HPSE2: variants seen among roughly 807,000 people sequenced by gnomAD.
HPSE2 encodes inactive heparanase-2.
Under a neutral mutation model 60.5 loss-of-function variants are expected in HPSE2, and 38 were observed. That is an observed-to-expected ratio of 0.63 (90% CI 0.48 to 0.82). HPSE2 has a LOEUF of 0.82. HPSE2 is among the 40% of genes least tolerant of loss of function. HPSE2 has a pLI of 0.00. For synonymous variants in HPSE2, 295 were observed against 293.2 expected (o/e 1.01, Z -0.06); for missense variants, 713 against 740.4 (o/e 0.96, Z 0.43).
chr10:98,960,131 G>A (rs1273582418), intron 3 of HPSE2, among the ~76,000 whole-genome samples: 2 of 152,112 alleles, frequency 1.3e-5, no homozygotes, highest in Admixed American at 1.3e-4. Flanking sequence ...GTTAAGGGAT[G>A]CCATGAAATA....
At position 99,114,314 on chromosome 10, in the gene HPSE2, CA is replaced by C. The variant is rs1007967550; in HGVS notation, c.610+29923del. ...AGCTGTCTGCATTTAAGTCACCGTC[CA>C]AAAAAAATTCCTTTTTATTCAATGA... On this transcript the variant is annotated intron_variant, in intron 3 of 11. Transcript: ENST00000370552. Among the ~76,000 whole-genome samples, 10 of 151,808 alleles carry C rather than the reference CA, an allele frequency of 6.6e-5. No homozygotes were observed. In the East Asian group the frequency reaches 1.9e-3, roughly 29 times the overall value.
chr10:98,999,155 A>ACG (rs1218713882), intron 3 of HPSE2, among the ~76,000 whole-genome samples: 1 of 115,010 alleles, frequency 8.7e-6, no homozygotes, highest in African/African-American at 4.3e-5. Context: ...GGTATAGACT[A>ACG]CGTGTGTGTG....
At chr10:98,909,025 T>C (rs1258773378) in intron 3 of HPSE2, among the ~76,000 whole-genome samples, 2 of 152,174 alleles carry the variant, frequency 1.3e-5, no homozygotes, top group Non-Finnish European at 2.9e-5. Flanking sequence ...ATGTGTGGTC[T>C]TCCACGTTTT....
chr10:99,073,130 T>A (rs1163278808), intron 3 of HPSE2, among the ~76,000 whole-genome samples: 1 of 152,066 alleles, frequency 6.6e-6, no homozygotes, highest in African/African-American at 2.4e-5. Context: ...ACTGGGTATA[T>A]ACCCAAAGGA....
chr10:99,136,165 T>C (rs928461920), intron 3 of HPSE2, among the ~76,000 whole-genome samples: 47 of 152,206 alleles, frequency 3.1e-4, no homozygotes, highest in African/African-American at 1.1e-3. Flanking sequence ...CCTAGACACA[T>C]ACACCCTCCC....
chr10:99,097,684 T>C (rs979149817), intron 3 of HPSE2, among the ~76,000 whole-genome samples: 3 of 152,182 alleles, frequency 2.0e-5, no homozygotes, highest in African/African-American at 7.2e-5. Context: ...GTAACACTAC[T>C]GCAAAATTCA....
Position 99,081,698 on chromosome 10 carries a change from G to A in HPSE2, c.610+62540C>T, listed in dbSNP as rs1589625710. Among the ~76,000 whole-genome samples the A allele has an allele frequency of 2.0e-5, 3 of 151,728 alleles. No individual in the cohort carries two copies. The South Asian group carries it at 6.3e-4, about 32-fold the overall frequency. On this transcript the variant is annotated intron_variant, in intron 3 of 11. Transcript: ENST00000370552. ...GTCACCCAGGCTGGAGTGCAGTGGC[G>A]TGATCTCGGCTCACTGCAACCTCCG...
intron 9 of HPSE2, among the ~76,000 whole-genome samples, chr10:98,603,548 G>A (rs1358291851): frequency 6.6e-6 from 1 of 151,194 alleles, no homozygotes; most frequent in African/African-American, 2.4e-5. Flanking sequence ...TCCTGCCACA[G>A]CCTCCCGAGT....
intron 3 of HPSE2, among the ~76,000 whole-genome samples, chr10:98,906,604 T>C (rs1451272271): frequency 6.6e-6 from 1 of 152,114 alleles, no homozygotes; most frequent in Non-Finnish European, 1.5e-5. Context: ...TGTTTTCCAA[T>C]AATTAAAAAT....
chr10:99,245,566 ATTCT>A, the HPSE2 span, among the ~76,000 whole-genome samples: 1 of 152,234 alleles, frequency 6.6e-6, no homozygotes, highest in South Asian at 2.1e-4. Flanking sequence ...CAAACTGATC[ATTCT>A]TTCATTCAAT....
intron 8 of HPSE2, among the ~76,000 whole-genome samples, chr10:98,619,462 A>C (rs1205955614): frequency 6.6e-6 from 1 of 152,306 alleles, no homozygotes; most frequent in South Asian, 2.1e-4. Context: ...GTTTTAAAAC[A>C]CAAGTCAGAT....
chr10:98,943,298 A>C (rs1057356121), intron 3 of HPSE2, among the ~76,000 whole-genome samples: 2 of 151,908 alleles, frequency 1.3e-5, no homozygotes, highest in African/African-American at 4.8e-5. Flanking sequence ...ATCTGTGAGA[A>C]GAATAAAGGA....
chr10:99,252,629 C>A, the HPSE2 span, among the ~76,000 whole-genome samples: 1 of 152,146 alleles, frequency 6.6e-6, no homozygotes, highest in East Asian at 1.9e-4. Flanking sequence ...GTAATCCCAG[C>A]ACTTTGGGAG....
At chr10:99,271,685 C>T in the HPSE2 span, among the ~76,000 whole-genome samples, 2 of 152,094 alleles carry the variant, frequency 1.3e-5, no homozygotes, top group African/African-American at 4.8e-5. Flanking sequence ...ACCACATAGC[C>T]AAAGCAAGGC....
chr10:98,582,497 G>A (rs1274271384), intron 9 of HPSE2, among the ~76,000 whole-genome samples: 1 of 152,160 alleles, frequency 6.6e-6, no homozygotes, highest in Non-Finnish European at 1.5e-5. Context: ...TGCATGACTT[G>A]GCAGGTTGCT....
At chr10:98,937,002 A>AC (rs1564670627) in intron 3 of HPSE2, among the ~76,000 whole-genome samples, 1 of 141,038 alleles carries the variant, frequency 7.1e-6, no homozygotes, top group Admixed American at 7.1e-5. Context: ...AAAAAAAAAA[A>AC]AAACAAGTTT....
At chr10:98,578,041 T>C (rs769806878) in intron 9 of HPSE2, among the ~76,000 whole-genome samples, 7 of 152,220 alleles carry the variant, frequency 4.6e-5, no homozygotes, top group Non-Finnish European at 1.0e-4. Context: ...TTTCTTCTTG[T>C]ACATCTTTAA....
intron 3 of HPSE2, among the ~76,000 whole-genome samples, chr10:99,107,221 T>A (rs1385746783): frequency 6.6e-6 from 1 of 152,204 alleles, no homozygotes; most frequent in Non-Finnish European, 1.5e-5. Flanking sequence ...TTTTTCTATA[T>A]CCTTTTCTCT....
At chr10:98,617,497 C>A (rs1032232511) in intron 8 of HPSE2, among the ~76,000 whole-genome samples, 1 of 152,104 alleles carries the variant, frequency 6.6e-6, no homozygotes, top group Admixed American at 6.5e-5. Context: ...ATGCATTCTC[C>A]CTGCAAACCT....
Sources: gnomAD v4.1 joint callset for allele counts (sites outside exome capture counted in the v4.1 genomes callset) on GRCh38, gnomAD v4.1.1 for gene constraint, MANE v1.5 for transcripts, NCBI Gene and HGNC (gene_info 2026-07-23, HGNC 2026-07-21) for gene names.